ALAS2: variants seen among roughly 807,000 people sequenced by gnomAD.
ALAS2 encodes the protein 5'-aminolevulinate synthase 2.
In ALAS2, 3 loss-of-function variants were observed where a neutral mutation model predicts 33.7. The observed-to-expected ratio is 0.09, with a 90% CI of 0.04 to 0.23. ALAS2 has a LOEUF of 0.23. Among genes scored for constraint, ALAS2 ranks in the 10% least tolerant of loss-of-function variants. The pLI is 1.00. For missense variants in ALAS2, 304 were observed against 475.1 expected (o/e 0.64, Z 3.35); for synonymous variants, 191 against 177.3 (o/e 1.08, Z -0.61).
At chrX:55,010,001 A>G (rs762955728) in intron 10 of ALAS2, among the ~76,000 whole-genome samples, 53 of 111,817 alleles carry the variant, frequency 4.7e-4, no homozygotes, top group Admixed American at 1.2e-3. Context: ...TTTCTAACTT[A>G]GGAGTACAAC....
rs1173539178 is a variant in ALAS2 at position 55,024,776 on chromosome X, G to T, written c.246C>A (p.Ser82Arg). ...CTGGGGCTGCCTTCTGCACAATCTT[G>T]CTCTTCCCATCCTGGAGTTCCGACA... is the stretch of plus-strand genomic sequence containing the variant. ...FMLSELQDGK[S>R]KIVQKAAPEV... Residue 82 changes from serine to arginine, a missense_variant, in exon 3 of 11, where the codon AGC becomes AGA. Physicochemically the swap from Ser to Arg is moderately radical, Grantham distance 110. Around this residue, in one of 3 missense-constraint regions of ALAS2, gnomAD observed 71 missense variants for 82.8 expected, o/e 0.86. Transcript: ENST00000650242. 2 of 1,211,474 alleles carry T rather than the reference G, an allele frequency of 1.7e-6. No individual in the cohort carries two copies. The highest frequency in any genetic ancestry group is 4.3e-5 in the Admixed American group (2 of 46,062).
rs1057337779 is a variant in ALAS2 at position 55,017,469 on chromosome X, C to G, written c.1003+17G>C. 16 of 1,194,233 alleles carry G rather than the reference C, an allele frequency of 1.3e-5. No homozygotes were observed. Among genetic ancestry groups the G allele is most frequent in the Non-Finnish European group, 1.8e-5 (16 of 881,115 alleles). On this transcript the variant is annotated intron_variant, in intron 7 of 10. Coordinates refer to ENST00000650242, the MANE Select transcript of ALAS2 (RefSeq NM_000032.5). ...TGAGACCAACACTAGTAAACATACA[C>G]TCACTCATATACATACCATCCATGG...
rs372076630 is a variant in ALAS2 at position 55,017,603 on chromosome X, C to T, written c.886G>A (p.Gly296Arg). The change falls in exon 7 of 11, where the codon GGA (glycine) becomes AGA (arginine). Residue 296 changes from glycine to arginine, a missense_variant. Transcript: ENST00000650242. ...ASMIQGIRNS[G>R]AAKFVFRHND... ...TGCCTGAAGACAAACTTGGCTGCTC[C>T]ACTGTTACGGATACCTTGGATCATG... is the stretch of plus-strand genomic sequence containing the variant. 202 of 1,209,772 alleles carry T rather than the reference C, an allele frequency of 1.7e-4. No homozygotes were observed. The highest frequency in any genetic ancestry group is 2.1e-4 in the Non-Finnish European group (188 of 895,222).
chrX:55,022,980 TTGTA>T (rs1935829842), intron 4 of ALAS2, among the ~76,000 whole-genome samples: 1 of 111,952 alleles, frequency 8.9e-6, no homozygotes, highest in Admixed American at 9.5e-5. Context: ...TTGAGTACAT[TTGTA>T]TGTATGTAAA....
intron 9 of ALAS2, among the ~76,000 whole-genome samples, chrX:55,014,226 C>CCAAAGTAG (rs1935659834): frequency 9.0e-6 from 1 of 111,636 alleles, no homozygotes; most frequent in African/African-American, 3.3e-5. Context: ...AGCAGCTAAT[C>CCAAAGTAG]CTATGGCTTT....
chrX:55,020,564 C>A, intron 5 of ALAS2, 60 bp from the exon 6 acceptor site: 1 of 1,083,282 alleles, frequency 9.2e-7, no homozygotes, highest in Non-Finnish European at 1.3e-6. Flanking sequence ...CATCGAGGAA[C>A]TGGGTAGGTT....
At chrX:55,011,901 C>A (rs892490482) in intron 10 of ALAS2, among the ~76,000 whole-genome samples, 1 of 111,571 alleles carries the variant, frequency 9.0e-6, no homozygotes, top group Non-Finnish European at 1.9e-5. Context: ...AACTTAGAAG[C>A]TGTGTGACCT....
chrX:55,019,935 G>A (rs972536920), intron 6 of ALAS2, among the ~76,000 whole-genome samples: 1 of 112,027 alleles, frequency 8.9e-6, no homozygotes, highest in African/African-American at 3.2e-5. Context: ...TGTGAAGTAA[G>A]ATGTGAGGTT....
At chrX:55,029,832 G>A (rs772739950) in intron 1 of ALAS2, among the ~76,000 whole-genome samples, 1 of 111,309 alleles carries the variant, frequency 9.0e-6, no homozygotes, top group East Asian at 2.8e-4. Flanking sequence ...TTTTCCCTAC[G>A]ACTTTAAAAT....
intron 1 of ALAS2, among the ~76,000 whole-genome samples, chrX:55,029,535 T>TG (rs1190394164): frequency 9.0e-6 from 1 of 111,583 alleles, no homozygotes. Flanking sequence ...TATTACTACC[T>TG]TTTTTTCTTG....
At chrX:55,030,835 A>G (rs1401108216) in intron 1 of ALAS2, 107 bp downstream of exon 1, 2 of 193,479 alleles carry the variant, frequency 1.0e-5, no homozygotes, top group Admixed American at 1.3e-4. Context: ...TAAGAAACAA[A>G]CAAAGGAAAA....
At chrX:55,018,781 TGG>T (rs1353415701) in intron 6 of ALAS2, among the ~76,000 whole-genome samples, 1 of 110,110 alleles carries the variant, frequency 9.1e-6, no homozygotes, top group East Asian at 2.9e-4. Context: ...GGGCTGAGGG[TGG>T]GGTGACAAAG....
chrX:55,028,395 TAA>T (rs1935929068), intron 1 of ALAS2, among the ~76,000 whole-genome samples: 2 of 111,030 alleles, frequency 1.8e-5, no homozygotes, highest in African/African-American at 6.6e-5. Context: ...CAGGCTCCTG[TAA>T]ACTCCCCTAA....
chrX:55,020,493 T>C lies in ALAS2; in HGVS notation c.650A>G (p.Gln217Arg), dbSNP rs780757828. 8.5e-7 allele frequency: 1 copy of C among 1,175,998 alleles called. No individual in the cohort carries two copies. Among genetic ancestry groups the C allele is most frequent in the Non-Finnish European group, 1.1e-6 (1 of 877,580 alleles). The change falls in exon 6 of 11, where the codon CAG becomes CGG. Residue 217 changes from glutamine (Q) to arginine (R), a missense_variant. Around this residue, in one of 3 missense-constraint regions of ALAS2, gnomAD observed 138 missense variants for 265.3 expected, o/e 0.52. Transcript: ENST00000650242. Reference protein sequence around the residue: ...QVLQATQETLQRHGAGAGGTR... With the variant: ...QVLQATQETLRRHGAGAGGTR... ...GCCACCAGCTCCAGCACCATGACGC[T>C]GCAGGGTCTCCCTGGCCAGGAGAAA...
intron 1 of ALAS2, among the ~76,000 whole-genome samples, chrX:55,030,201 CT>C (rs779253416): frequency 9.0e-6 from 1 of 111,451 alleles, no homozygotes; most frequent in South Asian, 3.8e-4. Context: ...CAGGCCAAGC[CT>C]TTTTTTCAGA....
chrX:55,009,184 G>C lies in ALAS2; in HGVS notation c.1760C>G (p.Ala587Gly). 8.3e-7 allele frequency: 1 copy of C among 1,207,893 alleles called. No individual in the cohort carries two copies. The highest frequency in any genetic ancestry group is 1.1e-6 in the Non-Finnish European group (1 of 893,741). Residue 587 changes from alanine to glycine, a missense_variant, in exon 11 of 11, where the codon GCC becomes GGC. Physicochemically the swap from Ala to Gly is moderately conservative, Grantham distance 60. Coordinates refer to ENST00000650242, the MANE Select transcript of ALAS2 (RefSeq NM_000032.5). ...NMGPQYVTTY[A>G] ...GAATCCTAGGCAGCTGGCTTCTCAG[G>C]CATAGGTGGTGACATACTGGGGCCC... is the stretch of plus-strand genomic sequence containing the variant.
intron 1 of ALAS2, chrX:55,027,884 G>A (rs1245968172): frequency 2.3e-6 from 2 of 883,897 alleles, no homozygotes; most frequent in Non-Finnish European, 3.3e-6. Context: ...CAGAAGGGTT[G>A]TTGGAGGGAC....
At chrX:55,025,133 C>T (rs1226943403) in intron 2 of ALAS2, among the ~76,000 whole-genome samples, 1 of 111,038 alleles carries the variant, frequency 9.0e-6, no homozygotes, top group Non-Finnish European at 1.9e-5. Context: ...GAGGTCTAAG[C>T]AGGCTTTGCA....
chrX:55,026,915 G>A (rs780595246), intron 1 of ALAS2, among the ~76,000 whole-genome samples: 4 of 111,285 alleles, frequency 3.6e-5, no homozygotes, highest in Non-Finnish European at 7.5e-5. Context: ...AGAAAATTTA[G>A]GAAAGATAAA....
Sources: gnomAD v4.1 joint callset for allele counts (sites outside exome capture counted in the v4.1 genomes callset) on GRCh38, gnomAD v4.1.1 for gene constraint, gnomAD v4.1.1 regional missense constraint, MANE v1.5 for transcripts, NCBI Gene and HGNC (gene_info 2026-07-23, HGNC 2026-07-21) for gene names.